IMMP2L: variants seen among roughly 807,000 people sequenced by gnomAD.
The protein encoded by IMMP2L is mitochondrial inner membrane protease subunit 2.
A neutral mutation model predicts 19.3 loss-of-function variants in IMMP2L; 18 were observed. The observed-to-expected ratio is 0.93, with a 90% confidence interval of 0.64 to 1.38. The LOEUF (loss-of-function observed/expected upper bound fraction) is 1.38. Ranked by LOEUF, IMMP2L falls within the 40% of genes most tolerant of loss-of-function variation. IMMP2L has a pLI of 0.00. For synonymous variants in IMMP2L, 76 were observed against 73.0 expected (o/e 1.04, Z -0.21); for missense variants, 233 against 218.2 (o/e 1.07, Z -0.43).
chr7:111,217,828 C>G (rs1431107891), intron 3 of IMMP2L, among the ~76,000 whole-genome samples: 1 of 151,836 alleles, frequency 6.6e-6, no homozygotes, highest in East Asian at 1.9e-4. Context: ...ATCATCTTCC[C>G]TATATATTCT....
chr7:110,838,622 A>G (rs1804748640), intron 5 of IMMP2L, among the ~76,000 whole-genome samples: 1 of 152,148 alleles, frequency 6.6e-6, no homozygotes. Context: ...TCAGCCCCCA[A>G]GCCATATGAT....
chr7:111,203,704 A>G (rs954861108), intron 3 of IMMP2L, among the ~76,000 whole-genome samples: 1 of 151,674 alleles, frequency 6.6e-6, no homozygotes, highest in African/African-American at 2.4e-5. Context: ...CACCTTGTCC[A>G]TTTTCTGGAG....
At chr7:111,337,793 AC>A (rs1277131347) in intron 3 of IMMP2L, among the ~76,000 whole-genome samples, 1 of 152,158 alleles carries the variant, frequency 6.6e-6, no homozygotes, top group Non-Finnish European at 1.5e-5. Flanking sequence ...CCCAAGGCAA[AC>A]AGAAAAACTA....
At chr7:111,528,401 G>C (rs367639714) in intron 1 of IMMP2L, among the ~76,000 whole-genome samples, 14 of 152,268 alleles carry the variant, frequency 9.2e-5, no homozygotes, top group African/African-American at 3.4e-4. Flanking sequence ...CACTGCTCCT[G>C]AGAAAATTAT....
intron 3 of IMMP2L, among the ~76,000 whole-genome samples, chr7:111,216,545 C>A (rs1811943259): frequency 6.6e-6 from 1 of 152,052 alleles, no homozygotes. Flanking sequence ...GAGAGAACAT[C>A]TGAAATTTAT....
intron 3 of IMMP2L, among the ~76,000 whole-genome samples, chr7:111,283,397 C>G (rs558375532): frequency 2.6e-5 from 4 of 151,980 alleles, no homozygotes; most frequent in Non-Finnish European, 5.9e-5. Flanking sequence ...TTAGGCAGGT[C>G]TTGAAAGATG....
At chr7:111,046,470 G>T (rs1792405864) in intron 3 of IMMP2L, among the ~76,000 whole-genome samples, 1 of 152,000 alleles carries the variant, frequency 6.6e-6, no homozygotes, top group African/African-American at 2.4e-5. Flanking sequence ...AAGATATATA[G>T]AAAAGTATAC....
chr7:111,257,235 A>G (rs768441005), intron 3 of IMMP2L, among the ~76,000 whole-genome samples: 6 of 152,132 alleles, frequency 3.9e-5, no homozygotes, highest in Non-Finnish European at 5.9e-5. Context: ...ATAAAAATGA[A>G]TAATATGAAA....
intron 3 of IMMP2L, among the ~76,000 whole-genome samples, chr7:111,215,832 T>A (rs1482876376): frequency 2.0e-5 from 3 of 152,154 alleles, no homozygotes; most frequent in South Asian, 2.1e-4. Context: ...CCTTCTTCAT[T>A]TCTCATCTGT....
chr7:110,990,631 A>G (rs1585623823), intron 3 of IMMP2L, among the ~76,000 whole-genome samples: 1 of 152,240 alleles, frequency 6.6e-6, no homozygotes, highest in East Asian at 1.9e-4. Context: ...TTTCTTTGTC[A>G]CTTTCCAAAT....
chr7:110,920,668 C>A (rs1049112669), intron 4 of IMMP2L, among the ~76,000 whole-genome samples: 1 of 152,082 alleles, frequency 6.6e-6, no homozygotes, highest in African/African-American at 2.4e-5. Flanking sequence ...TTCTATGTAT[C>A]ATTATCTTTG....
At chr7:111,521,211 C>G (rs1484733835) in intron 2 of IMMP2L, 102 bp downstream of exon 2, 3 of 1,271,892 alleles carry the variant, frequency 2.4e-6, no homozygotes, top group Non-Finnish European at 3.2e-6. Context: ...TTTTTATAAC[C>G]TTTCAGTTCC....
intron 2 of IMMP2L, among the ~76,000 whole-genome samples, chr7:111,490,307 G>A (rs1328564617): frequency 2.0e-5 from 3 of 149,022 alleles, no homozygotes; most frequent in Non-Finnish European, 3.0e-5. Context: ...TTAGAGATGG[G>A]AGGGTCTTGC....
At chr7:110,853,229 A>G (rs1303308474) in intron 5 of IMMP2L, among the ~76,000 whole-genome samples, 1 of 151,922 alleles carries the variant, frequency 6.6e-6, no homozygotes, top group African/African-American at 2.4e-5. Context: ...TTAGGCCAAA[A>G]TGGTTTGTTC....
chr7:110,868,667 C>A (rs1448974206), intron 5 of IMMP2L, among the ~76,000 whole-genome samples: 1 of 152,032 alleles, frequency 6.6e-6, no homozygotes, highest in Non-Finnish European at 1.5e-5. Flanking sequence ...TGGCATTGGG[C>A]AGGCATTGCT....
chr7:110,903,765 C>T (rs1307666852), intron 4 of IMMP2L, among the ~76,000 whole-genome samples: 5 of 151,076 alleles, frequency 3.3e-5, no homozygotes, highest in Admixed American at 1.3e-4. Context: ...CATATAGTAG[C>T]TCTGTTTTCA....
At chr7:110,950,809 C>T (rs954440216) in intron 4 of IMMP2L, among the ~76,000 whole-genome samples, 12 of 136,180 alleles carry the variant, frequency 8.8e-5, no homozygotes, top group Non-Finnish European at 1.5e-4. Context: ...TAACCATTTC[C>T]GTAGACAGAT....
intron 3 of IMMP2L, among the ~76,000 whole-genome samples, chr7:111,437,629 T>C (rs1356259472): frequency 1.3e-5 from 2 of 151,962 alleles, no homozygotes; most frequent in Non-Finnish European, 2.9e-5. Context: ...TTACCAGTTC[T>C]TTTCATTTTA....
At chr7:110,945,271 T>C (rs1317193559) in intron 4 of IMMP2L, among the ~76,000 whole-genome samples, 3 of 151,988 alleles carry the variant, frequency 2.0e-5, no homozygotes, top group Admixed American at 6.6e-5. Context: ...CATAATAAGA[T>C]TAACATTTTT....
Sources: allele counts gnomAD v4.1 joint callset (sites outside exome capture counted in the v4.1 genomes callset), GRCh38; gene constraint gnomAD v4.1.1; transcripts MANE v1.5; gene names NCBI Gene and HGNC (gene_info 2026-07-23, HGNC 2026-07-21).